The following COL12A1 variants were observed in gnomAD, a reference collection of about 807,000 sequenced individuals.
COL12A1 encodes the protein collagen type XII alpha 1 chain.
A neutral mutation model predicts 349.7 loss-of-function variants in COL12A1; 114 were observed. The observed-to-expected ratio is 0.33, with a 90% CI of 0.28 to 0.38. The LOEUF (loss-of-function observed/expected upper bound fraction) is 0.38. Among genes scored for constraint, COL12A1 ranks in the 10% least tolerant of loss-of-function variants. The pLI, the probability that COL12A1 is intolerant of heterozygous loss-of-function variation, is 1.00. For synonymous variants in COL12A1, 1,369 were observed against 1,329.0 expected (o/e 1.03, Z -0.66); for missense variants, 3,284 against 3,756.9 (o/e 0.87, Z 3.29).
At chr6:75,151,771 AT>A (rs1046018846) in intron 20 of COL12A1, 95 bp downstream of exon 20, 95 of 1,264,690 alleles carry the variant, frequency 7.5e-5, no homozygotes, top group Middle Eastern at 1.9e-4. Flanking sequence ...AAAAATGGGT[AT>A]TTTTTTTCAT....
chr6:75,186,914 T>A (rs1260119118), intron 8 of COL12A1, among the ~76,000 whole-genome samples: 2 of 151,818 alleles, frequency 1.3e-5, no homozygotes. Context: ...GGGGGCTAAA[T>A]GATGAGAACA....
Position 75,204,098 on chromosome 6 carries a change from A to G in COL12A1, c.-35-1271T>C, listed in dbSNP as rs894920375. On this transcript the variant is annotated intron_variant, in intron 1 of 65. Coordinates refer to ENST00000322507, the MANE Select transcript of COL12A1 (RefSeq NM_004370.6). Reference sequence around the variant, plus strand: ...GCCAAATTGCCTGGAGCTCCTTTTTATGAAGCCAAGATTAAAATTTTGGCA... The same window carrying G: ...GCCAAATTGCCTGGAGCTCCTTTTTGTGAAGCCAAGATTAAAATTTTGGCA... 3.3e-5 allele frequency among the ~76,000 whole-genome samples: 5 copies of G among 152,326 alleles called. No individual in the cohort carries two copies. In the East Asian group the frequency reaches 9.6e-4, roughly 29 times the overall value.
At chr6:75,120,942 T>G (rs886273994) in intron 44 of COL12A1, among the ~76,000 whole-genome samples, 5 of 152,200 alleles carry the variant, frequency 3.3e-5, no homozygotes, top group African/African-American at 1.2e-4. Context: ...TCACTGATTC[T>G]TCTAACTTCA....
intron 58 of COL12A1, 81 bp downstream of exon 58, chr6:75,101,519 G>T: frequency 1.4e-6 from 2 of 1,397,048 alleles, no homozygotes; most frequent in Non-Finnish European, 2.0e-6. Context: ...CTTGCAAACT[G>T]GATTTTGAAG....
chr6:75,177,172 C>G (rs1769002665), intron 12 of COL12A1, among the ~76,000 whole-genome samples: 1 of 152,140 alleles, frequency 6.6e-6, no homozygotes, highest in Non-Finnish European at 1.5e-5. Context: ...CGTGGTGGCT[C>G]ACGTCTATAA....
At chr6:75,193,667 G>T (rs1198666662) in intron 3 of COL12A1, among the ~76,000 whole-genome samples, 8 of 152,072 alleles carry the variant, frequency 5.3e-5, no homozygotes, top group Non-Finnish European at 1.0e-4. Flanking sequence ...TGCCATGTTG[G>T]TGTGCTGCAC....
rs538385884 is a variant in COL12A1, at chr6:75,161,119, C to A, written c.2983+4388G>T. Among the ~76,000 whole-genome samples the A allele has an allele frequency of 3.3e-5, 5 of 152,128 alleles. 1 individual carries two copies. Among genetic ancestry groups the A allele is most frequent in the African/African-American group, 7.2e-5 (3 of 41,504 alleles). On this transcript the variant is annotated intron_variant, in intron 14 of 65. Coordinates refer to ENST00000322507, the MANE Select transcript of COL12A1 (RefSeq NM_004370.6). Reference sequence around the variant, plus strand: ...CACTCAGGCTGGGACCACGTGGACGCACCAGCTCACCTAACATGCACATCT... The same window carrying A: ...CACTCAGGCTGGGACCACGTGGACGAACCAGCTCACCTAACATGCACATCT...
At chr6:75,135,406 A>ACACT in intron 31 of COL12A1, among the ~76,000 whole-genome samples, 1 of 152,306 alleles carries the variant, frequency 6.6e-6, no homozygotes, top group African/African-American at 2.4e-5. Context: ...TTGCCAGGCC[A>ACACT]CACTCAATCA....
At chr6:75,195,909 G>A (rs1436090158) in intron 2 of COL12A1, among the ~76,000 whole-genome samples, 1 of 152,170 alleles carries the variant, frequency 6.6e-6, no homozygotes, top group Non-Finnish European at 1.5e-5. Flanking sequence ...CTGAAGACAT[G>A]ACTGCGCATA....
intron 13 of COL12A1, among the ~76,000 whole-genome samples, chr6:75,174,384 G>A (rs561904495): frequency 1.8e-4 from 28 of 152,068 alleles, no homozygotes; most frequent in East Asian, 5.8e-4. Flanking sequence ...GTGAAACCCC[G>A]TCCCTACTAA....
At chr6:75,134,071 T>C (rs1766451516) in intron 32 of COL12A1, 74 bp from the exon 33 acceptor site, 2 of 1,505,362 alleles carry the variant, frequency 1.3e-6, no homozygotes, top group Non-Finnish European at 9.0e-7. Context: ...TTCACTGATA[T>C]CTCCCAGGCA....
intron 3 of COL12A1, among the ~76,000 whole-genome samples, chr6:75,194,066 G>A (rs1192443994): frequency 6.6e-6 from 1 of 152,150 alleles, no homozygotes; most frequent in Non-Finnish European, 1.5e-5. Flanking sequence ...ATAGCAGCAT[G>A]ATTTATAATC....
At position 75,155,753 on chromosome 6, in the gene COL12A1, TA is replaced by T; in HGVS notation, c.3351del (p.Tyr1117Ter). 1 of 1,613,724 alleles carries T rather than the reference TA, an allele frequency of 6.2e-7. No individual in the cohort carries two copies. Among genetic ancestry groups the T allele is most frequent in the South Asian group, 1.1e-5 (1 of 91,066 alleles). Reference sequence around the variant, plus strand: ...TCCCCCGTAGGGTGGAATGTGACTTTATAACCCTTCACTTCCCCAGGGGCAG... The same window carrying T: ...TCCCCCGTAGGGTGGAATGTGACTTTTAACCCTTCACTTCCCCAGGGGCAG... ...WEPAPGEVKG[Y>X]KVTFHPTGDD... On this transcript the variant is annotated frameshift_variant, in exon 16 of 66. Coordinates refer to ENST00000322507, the MANE Select transcript of COL12A1 (RefSeq NM_004370.6). LOFTEE classifies it high-confidence loss of function.
At chr6:75,111,184 G>A (rs757543859) in intron 51 of COL12A1, among the ~76,000 whole-genome samples, 63 of 151,542 alleles carry the variant, frequency 4.2e-4, no homozygotes, top group Non-Finnish European at 7.8e-4. Context: ...AAGAAAGAAC[G>A]GGTTTAAGGA....
At chr6:75,136,894 A>G (rs1182064909) in intron 31 of COL12A1, among the ~76,000 whole-genome samples, 2 of 152,156 alleles carry the variant, frequency 1.3e-5, no homozygotes, top group African/African-American at 4.8e-5. Context: ...TTCGAGTCCT[A>G]CCATCTTTCT....
rs1769805731 is a variant in COL12A1 at position 75,189,373 on chromosome 6, T to C, written c.667A>G (p.Ile223Val). The C allele has an allele frequency of 3.1e-6, 5 of 1,612,526 alleles. No individual in the cohort carries two copies. Among genetic ancestry groups the C allele is most frequent in the Non-Finnish European group, 2.5e-6 (3 of 1,179,270 alleles). The change falls in exon 7 of 66, where the codon ATT (isoleucine) becomes GTT (valine). Residue 223 changes from isoleucine to valine, a missense_variant. Ile to Val is a conservative substitution (Grantham distance 29). Around this residue, in one of 2 missense-constraint regions of COL12A1, gnomAD observed 2,601 missense variants for 2,824.8 expected, o/e 0.92. Transcript: ENST00000322507. ...AAAGTATTTTTAACTAAATAATCAA[T>C]GGCATCCCCTAAAGGGAAAAGAAAC... ...KGGNTMTGDAIDYLVKNTFTE... is the reference protein window; with the variant it reads ...KGGNTMTGDAVDYLVKNTFTE...
rs1393717258 is a variant in COL12A1, at chr6:75,095,104, T to G, written c.8649+4A>C. ...GTCAGTAGACATGCAAGCTGTCCGC[T>G]TACTGGTCTGCCATGATCTCCAGGT... On this transcript the variant is annotated splice_donor_region_variant and intron_variant, in intron 60 of 65. Transcript: ENST00000322507. 2.5e-6 allele frequency: 4 copies of G among 1,613,842 alleles called. No individual in the cohort carries two copies. The Admixed American group carries it at 6.7e-5, about 27-fold the overall frequency.
At chr6:75,139,142 A>G (rs1468814363) in intron 27 of COL12A1, among the ~76,000 whole-genome samples, 181 bp from the exon 28 acceptor site, 1 of 152,264 alleles carries the variant, frequency 6.6e-6, no homozygotes, top group East Asian at 1.9e-4. Context: ...TTCTGTGGAT[A>G]TAATAGGTTA....
chr6:75,145,031 C>T (rs1767108016), intron 25 of COL12A1, among the ~76,000 whole-genome samples: 1 of 152,124 alleles, frequency 6.6e-6, no homozygotes, highest in Non-Finnish European at 1.5e-5. Context: ...TTGTCTTATG[C>T]TGTACATTCT....
Sources: allele counts gnomAD v4.1 joint callset (sites outside exome capture counted in the v4.1 genomes callset), GRCh38; gene constraint gnomAD v4.1.1; regional missense constraint gnomAD v4.1.1; transcripts MANE v1.5; gene names NCBI Gene and HGNC (gene_info 2026-07-23, HGNC 2026-07-21).